MIA2: variants seen among roughly 807,000 people sequenced by gnomAD.
MIA2 encodes the protein melanoma inhibitory activity protein 2.
Under a neutral mutation model 167.8 loss-of-function variants are expected in MIA2, and 127 were observed. The observed-to-expected ratio is 0.76, with a 90% CI of 0.66 to 0.88. The LOEUF is 0.88. Ranked by LOEUF, MIA2 falls within the 40% of genes least tolerant of loss-of-function variation. MIA2 has a pLI of 0.00. For missense variants in MIA2, 1,690 were observed against 1,624.7 expected (o/e 1.04, Z -0.69); for synonymous variants, 552 against 541.9 (o/e 1.02, Z -0.26).
intron 23 of MIA2, among the ~76,000 whole-genome samples, chr14:39,356,523 T>G (rs958829352): frequency 2.0e-5 from 3 of 152,224 alleles, no homozygotes; most frequent in Admixed American, 6.5e-5. Flanking sequence ...TTCACTGATT[T>G]TTTTGAAGGG....
In MIA2 at chr14:39,291,008, C is replaced by T. The variant is rs1377675300; in HGVS notation, c.2131-11C>T. The T allele has an allele frequency of 6.3e-7, 1 of 1,599,006 alleles. No individual in the cohort carries two copies. Among genetic ancestry groups the T allele is most frequent in the Non-Finnish European group, 8.5e-7 (1 of 1,173,992 alleles). On this transcript the variant is annotated splice_polypyrimidine_tract_variant and intron_variant, in intron 9 of 28. Transcript: ENST00000640607. ...GGTAGAGTTTTTACTTGTGATGTTG[C>T]TTTGTTTCAGTATGAAGGCTATGAA... is the stretch of plus-strand genomic sequence containing the variant.
intron 25 of MIA2, among the ~76,000 whole-genome samples, chr14:39,327,829 A>G (rs1595672447): frequency 6.6e-6 from 1 of 152,174 alleles, no homozygotes; most frequent in African/African-American, 2.4e-5. Context: ...CTAGTATTCC[A>G]TGGTGTGTAT....
rs189014725 is a variant in MIA2, at chr14:39,361,856, A to G, written c.2248+12879A>G. 5.8e-4 allele frequency among the ~76,000 whole-genome samples: 89 copies of G among 152,312 alleles called. 1 individual carries two copies. The highest frequency in any genetic ancestry group is 2.1e-3 in the African/African-American group (88 of 41,578). On this transcript the variant is annotated intron_variant, in intron 23 of 23. Transcript: ENST00000341502. ...TGTGGGTCTGTCAGAAATAGCCTTT[A>G]TGATGTTGAAGAATGTTCCTTCTGT...
chr14:39,272,076 G>A (rs1040019067), intron 6 of MIA2, among the ~76,000 whole-genome samples: 4 of 152,104 alleles, frequency 2.6e-5, no homozygotes, highest in African/African-American at 4.8e-5. Context: ...TTAGGAGGCC[G>A]GGTGCGGTGG....
intron 23 of MIA2, among the ~76,000 whole-genome samples, chr14:39,320,225 A>C (rs1367946026): frequency 6.6e-6 from 1 of 152,140 alleles, no homozygotes; most frequent in South Asian, 2.1e-4. Flanking sequence ...ACATGTTTTA[A>C]AAATGTTATT....
At chr14:39,305,183 A>G (rs2063137656) in intron 17 of MIA2, among the ~76,000 whole-genome samples, 1 of 152,240 alleles carries the variant, frequency 6.6e-6, no homozygotes, top group African/African-American at 2.4e-5. Context: ...TTATTAAAAA[A>G]TTATATCCCT....
chr14:39,246,539 G>C (rs541040426), intron 3 of MIA2, among the ~76,000 whole-genome samples: 1 of 152,010 alleles, frequency 6.6e-6, no homozygotes, highest in Admixed American at 6.5e-5. Flanking sequence ...GCAACATAGC[G>C]AGACTCTATC....
chr14:39,292,054 AG>A (rs1471073045), intron 10 of MIA2, among the ~76,000 whole-genome samples: 3 of 152,224 alleles, frequency 2.0e-5, no homozygotes. Flanking sequence ...TAGAGTCCAA[AG>A]GAAGTTATAA....
intron 12 of MIA2, 43 bp downstream of exon 12, chr14:39,294,114 A>T (rs541335424): frequency 6.5e-6 from 9 of 1,384,436 alleles, no homozygotes; most frequent in Non-Finnish European, 9.0e-6. Context: ...TTTGGAAATA[A>T]TTTTAGTTTA....
At chr14:39,356,545 T>A (rs1380528280) in intron 23 of MIA2, among the ~76,000 whole-genome samples, 1 of 152,212 alleles carries the variant, frequency 6.6e-6, no homozygotes, top group East Asian at 1.9e-4. Flanking sequence ...TTTTTGTGTC[T>A]CTATCTCCTT....
At chr14:39,373,835 AAAAT>A (rs1467463100) in intron 23 of MIA2, among the ~76,000 whole-genome samples, 2 of 152,112 alleles carry the variant, frequency 1.3e-5, no homozygotes, top group Non-Finnish European at 2.9e-5. Context: ...TAAAAAATAA[AAAAT>A]AAAAAATGAG....
chr14:39,307,194 A>T (rs923081332), intron 17 of MIA2, among the ~76,000 whole-genome samples: 4 of 151,996 alleles, frequency 2.6e-5, no homozygotes, highest in African/African-American at 9.7e-5. Context: ...TTTACTAGAT[A>T]AAAACAGGCA....
At chr14:39,386,750 C>T (rs766296605) in intron 23 of MIA2, 1 of 1,337,590 alleles carries the variant, frequency 7.5e-7, no homozygotes. Flanking sequence ...TTTCTTCATC[C>T]TCCTCTAACT....
At chr14:39,319,478 G>A (rs8019161) in intron 23 of MIA2, among the ~76,000 whole-genome samples, 187 bp downstream of exon 23, 126,242 of 151,606 alleles carry the variant, frequency 0.83, 53,954 homozygotes, top group East Asian at 0.95. Flanking sequence ...TTCCTGTGCA[G>A]TAATGAAAAT....
intron 28 of MIA2, among the ~76,000 whole-genome samples, chr14:39,349,854 TA>T (rs1373252152): frequency 6.6e-6 from 1 of 152,276 alleles, no homozygotes; most frequent in East Asian, 1.9e-4. Context: ...TCCTCTTTTT[TA>T]AAAAACAGGT....
intron 17 of MIA2, among the ~76,000 whole-genome samples, chr14:39,305,332 A>G (rs1320712432): frequency 1.3e-5 from 2 of 151,588 alleles, no homozygotes; most frequent in Admixed American, 6.5e-5. Context: ...CTTACTTTCA[A>G]GGAAGCTGTA....
rs77467192 is a variant in MIA2 at position 39,288,976 on chromosome 14, G to A, written c.2131-2043G>A. On this transcript the variant is annotated intron_variant, in intron 9 of 28. Coordinates refer to ENST00000640607, the MANE Select transcript of MIA2 (RefSeq NM_001329214.4). Reference sequence around the variant, plus strand: ...GGTCTGGCTTAGGTATCAAGGTGATGCTGGACTCATAAAATGTGTTAGGAA... The same window carrying A: ...GGTCTGGCTTAGGTATCAAGGTGATACTGGACTCATAAAATGTGTTAGGAA... Among the ~76,000 whole-genome samples, 699 of 152,222 alleles carry A rather than the reference G, an allele frequency of 4.6e-3. 4 individuals are homozygous for A. Among genetic ancestry groups the A allele is most frequent in the Non-Finnish European group, 7.4e-3 (506 of 68,018 alleles).
chr14:39,331,412 T>G (rs2068847776), intron 25 of MIA2, among the ~76,000 whole-genome samples: 1 of 152,244 alleles, frequency 6.6e-6, no homozygotes, highest in Non-Finnish European at 1.5e-5. Context: ...TTTATCCAAT[T>G]TGCCATTCTC....
In MIA2 at chr14:39,299,756, A is replaced by C. The variant is rs140629436; in HGVS notation, c.2497-108A>C. The stretch of plus-strand genomic sequence containing the variant: ...CTACCCCATTTTGAAAGTTCTTTGA[A>C]AATAGGAGCCATGTTTTTCTTTTTT... On this transcript the variant is annotated intron_variant, in intron 13 of 28. Coordinates refer to ENST00000640607, the MANE Select transcript of MIA2 (RefSeq NM_001329214.4). 2,944 of 1,196,668 alleles carry C rather than the reference A, an allele frequency of 2.5e-3. 24 individuals carry two copies. Among genetic ancestry groups the C allele is most frequent in the African/African-American group, 0.015 (971 of 64,470 alleles). 74.1% of individuals were successfully genotyped at this position (1,196,668 alleles called of 1,614,324 possible). A position where few individuals can be genotyped will look rare whatever the true frequency, so the allele number is the denominator to read the frequency against.
Sources: gnomAD v4.1 joint callset for allele counts (sites outside exome capture counted in the v4.1 genomes callset) on GRCh38, gnomAD v4.1.1 for gene constraint, MANE v1.5 for transcripts, NCBI Gene and HGNC (gene_info 2026-07-23, HGNC 2026-07-21) for gene names.